The following PIP5K1A variants were observed in gnomAD, a reference collection of about 807,000 sequenced individuals.
The protein encoded by PIP5K1A is phosphatidylinositol-4-phosphate 5-kinase type 1 alpha.
In PIP5K1A, 46 loss-of-function variants were observed where a neutral mutation model predicts 72.9. That is an observed-to-expected ratio of 0.63 (90% confidence interval 0.50 to 0.81). The LOEUF is 0.81. Ranked by LOEUF, PIP5K1A falls within the 30% of genes least tolerant of loss-of-function variation. PIP5K1A has a pLI of 0.00. For missense variants in PIP5K1A, 458 were observed against 706.1 expected (o/e 0.65, Z 3.98); for synonymous variants, 228 against 255.1 (o/e 0.89, Z 1.01).
chr1:151,236,828 T>TC (rs1690951109), intron 9 of PIP5K1A, 65 bp downstream of exon 9: 1 of 1,065,536 alleles, frequency 9.4e-7, no homozygotes, highest in Non-Finnish European at 1.3e-6. Context: ...TTTCTTTTTT[T>TC]TTTTTTTTTT....
intron 11 of PIP5K1A, 149 bp from the exon 12 acceptor site, chr1:151,239,806 G>A: frequency 1.5e-6 from 1 of 649,942 alleles, no homozygotes; most frequent in South Asian, 1.8e-5. Context: ...AGGATTACAG[G>A]TGTGAGCCAC....
Position 151,206,887 on chromosome 1 carries a change from C to T in PIP5K1A, c.85+7806C>T, listed in dbSNP as rs587610277. Reference sequence around the variant, plus strand: ...GCTATTTTTGTATTTTTAGTAGAGACGGGGTTTCGCCATGTTCGCCAGGCT... The same window carrying T: ...GCTATTTTTGTATTTTTAGTAGAGATGGGGTTTCGCCATGTTCGCCAGGCT... On this transcript the variant is annotated intron_variant, in intron 1 of 15. Transcript: ENST00000368888. Among the ~76,000 whole-genome samples, 160 of 151,566 alleles carry T rather than the reference C, an allele frequency of 1.1e-3. 7 individuals carry two copies. The South Asian group carries it at 0.032, about 30-fold the overall frequency.
chr1:151,229,710 A>G (rs1383832260), intron 4 of PIP5K1A, among the ~76,000 whole-genome samples: 1 of 145,732 alleles, frequency 6.9e-6, no homozygotes, highest in East Asian at 2.0e-4. Flanking sequence ...ATGAGTTTCT[A>G]TTATAACTGG....
chr1:151,238,434 T>G lies in PIP5K1A; in HGVS notation c.1229+169T>G, dbSNP rs980687079. 5.1e-6 allele frequency: 3 copies of G among 591,044 alleles called. No homozygotes were observed. In the East Asian group the frequency reaches 8.8e-5, roughly 17 times the overall value. The allele number at this position is 591,044 out of a possible 1,614,324, so 36.6% of individuals were successfully genotyped here. A position where few individuals can be genotyped will look rare whatever the true frequency, so the allele number is the denominator to read the frequency against. ...GATGGTTTATTTCCTTGATTTTGCCTCTTTCCCCGGCCTTTATAACCCTTC... is the reference window on the plus strand; with the variant it reads ...GATGGTTTATTTCCTTGATTTTGCCGCTTTCCCCGGCCTTTATAACCCTTC... On this transcript the variant is annotated intron_variant, in intron 10 of 15. Coordinates refer to ENST00000368888, the MANE Select transcript of PIP5K1A (RefSeq NM_001135638.2).
At chr1:151,211,684 T>C (rs1276233990) in intron 1 of PIP5K1A, among the ~76,000 whole-genome samples, 2 of 149,806 alleles carry the variant, frequency 1.3e-5, no homozygotes, top group Admixed American at 6.7e-5. Context: ...TAGTCCCAGC[T>C]ACTCCCAGCT....
intron 3 of PIP5K1A, among the ~76,000 whole-genome samples, chr1:151,226,816 C>T (rs1380891386): frequency 6.6e-6 from 1 of 151,716 alleles, no homozygotes; most frequent in Non-Finnish European, 1.5e-5. Context: ...CACTTGAGGT[C>T]AGCAATTTGA....
At chr1:151,247,003 AAGGT>A (rs1209645532) in intron 15 of PIP5K1A, 38 bp downstream of exon 15, 51 of 1,541,538 alleles carry the variant, frequency 3.3e-5, no homozygotes, top group Non-Finnish European at 4.5e-5. Flanking sequence ...AACGTTTTGC[AAGGT>A]ATAAAGAGGA....
rs753241257 is a variant in PIP5K1A at position 151,232,354 on chromosome 1, G to A, written c.475G>A (p.Asp159Asn). Residue 159 changes from aspartate to asparagine, a missense_variant, in exon 6 of 16, where the codon GAT (aspartate) becomes AAT (asparagine). By Grantham distance (23) the Asp-to-Asn change is conservative. Transcript: ENST00000368888. ...YFRELFGIRP[D>N]DYLYSLCSEP... ...CCGGGAGCTATTTGGTATCCGGCCC[G>A]ATGATTACTTGGTAAGCATCTGGAT... 9.3e-6 allele frequency: 15 copies of A among 1,611,268 alleles called. No homozygotes were observed. The highest frequency in any genetic ancestry group is 2.7e-5 in the African/African-American group (2 of 74,942).
intron 8 of PIP5K1A, among the ~76,000 whole-genome samples, chr1:151,234,880 C>T (rs1391712166): frequency 6.6e-6 from 1 of 152,152 alleles, no homozygotes; most frequent in Non-Finnish European, 1.5e-5. Flanking sequence ...GATATCCAAC[C>T]CCACTTGGGC....
At chr1:151,207,867 CTTT>C (rs35805635) in intron 1 of PIP5K1A, among the ~76,000 whole-genome samples, 11 of 142,294 alleles carry the variant, frequency 7.7e-5, no homozygotes, top group Admixed American at 7.0e-5. Context: ...GTTGCTCCTT[CTTT>C]TTTTTTTTTT....
At chr1:151,219,607 T>C (rs1397386599) in intron 1 of PIP5K1A, among the ~76,000 whole-genome samples, 1 of 151,752 alleles carries the variant, frequency 6.6e-6, no homozygotes, top group Non-Finnish European at 1.5e-5. Flanking sequence ...GGCAGGAGAA[T>C]CTCTTGAACC....
chr1:151,195,481 G>A (rs587746244), upstream of PIP5K1A, among the ~76,000 whole-genome samples: 5 of 152,266 alleles, frequency 3.3e-5, no homozygotes, highest in African/African-American at 9.6e-5. Flanking sequence ...GTGGTTCCAT[G>A]ACTCAGAGGA....
intron 1 of PIP5K1A, 27 bp from the exon 2 acceptor site, chr1:151,224,218 T>C (rs1397635171): frequency 6.2e-7 from 1 of 1,607,394 alleles, no homozygotes; most frequent in Admixed American, 1.7e-5. Flanking sequence ...TGATACACTC[T>C]TATGATTGTT....
intron 1 of PIP5K1A, among the ~76,000 whole-genome samples, chr1:151,216,399 G>A (rs1687623709): frequency 6.6e-6 from 1 of 151,836 alleles, no homozygotes. Context: ...GTAGTTCATG[G>A]TCTTCTTCTA....
At chr1:151,229,167 CAAAAAAAAAAAAAAAA>C (rs34356281) in intron 4 of PIP5K1A, among the ~76,000 whole-genome samples, 1 of 41,364 alleles carries the variant, frequency 2.4e-5, no homozygotes, top group Non-Finnish European at 4.2e-5. Context: ...GACCCCGTCT[CAAAAAAAAAAAAAAAA>C]AAAAAAAAAA....
chr1:151,204,684 A>G (rs1415047235), intron 1 of PIP5K1A, among the ~76,000 whole-genome samples: 2 of 152,024 alleles, frequency 1.3e-5, no homozygotes, highest in Non-Finnish European at 2.9e-5. Context: ...ATAGGGAGAT[A>G]TTTTTCTGTT....
Position 151,198,727 on chromosome 1 carries a change from C to T in PIP5K1A, c.-270C>T. The T allele has an allele frequency of 1.9e-6, 1 of 531,480 alleles. No individual in the cohort carries two copies. Among genetic ancestry groups the T allele is most frequent in the Middle Eastern group, 5.1e-4 (1 of 1,966 alleles). 32.9% of individuals were successfully genotyped at this position (531,480 alleles called of 1,614,324 possible). The stretch of plus-strand genomic sequence containing the variant: ...CAGCAGCCAGCTTAAGCTTACTCTT[C>T]TGTGAAAGGGGAAAGTATCCCCTGT... On this transcript the variant is annotated 5_prime_UTR_variant, in exon 1 of 16. Transcript: ENST00000368888.
intron 1 of PIP5K1A, among the ~76,000 whole-genome samples, chr1:151,220,608 A>G (rs984041578): frequency 7.2e-5 from 11 of 152,044 alleles, no homozygotes; most frequent in Non-Finnish European, 1.6e-4. Context: ...TTGGGATTAC[A>G]GGCGCCCACC....
intron 5 of PIP5K1A, 29 bp from the exon 6 acceptor site, chr1:151,232,219 G>A (rs1173436251): frequency 6.8e-7 from 1 of 1,475,598 alleles, no homozygotes; most frequent in Non-Finnish European, 9.5e-7. Flanking sequence ...GGACTGGCAA[G>A]TTATGGCTAC....
Sources: allele counts gnomAD v4.1 joint callset (sites outside exome capture counted in the v4.1 genomes callset), GRCh38; gene constraint gnomAD v4.1.1; transcripts MANE v1.5; gene names NCBI Gene and HGNC (gene_info 2026-07-23, HGNC 2026-07-21).